CUL3: variants seen among roughly 807,000 people sequenced by gnomAD.
CUL3 encodes cullin 3, also known as cullin-3.
A neutral mutation model predicts 89.1 loss-of-function variants in CUL3; 19 were observed. The ratio of observed to expected loss-of-function variants is 0.21; its 90% CI spans 0.15 to 0.31. The LOEUF (loss-of-function observed/expected upper bound fraction) is 0.31. Ranked by LOEUF, CUL3 falls within the 10% of genes least tolerant of loss-of-function variation. The pLI is 1.00. For synonymous variants in CUL3, 351 were observed against 308.4 expected, an observed-to-expected ratio of 1.14 and a Z score of -1.45; for missense variants, 469 against 942.3, an observed-to-expected ratio of 0.50 and a Z score of 6.58.
chr2:224,552,226 TTTTAC>T (rs148276952), intron 2 of CUL3, among the ~76,000 whole-genome samples: 22,650 of 152,092 alleles, frequency 0.15, 1,841 homozygotes, highest in South Asian at 0.27. Context: ...TACTATGCTT[TTTTAC>T]TTTATTTAGA....
At chr2:224,499,008 T>C (rs1037885983) in intron 11 of CUL3, among the ~76,000 whole-genome samples, 2 of 152,182 alleles carry the variant, frequency 1.3e-5, no homozygotes, top group African/African-American at 2.4e-5. Flanking sequence ...CAAAGATACA[T>C]GTCAATATGC....
intron 2 of CUL3, among the ~76,000 whole-genome samples, chr2:224,553,250 T>C (rs1304262669): frequency 2.0e-5 from 3 of 152,188 alleles, no homozygotes; most frequent in East Asian, 1.9e-4. Context: ...GCACAGAAAC[T>C]AGCAGAGGCT....
rs1177910183 is a variant in CUL3, at chr2:224,473,017, T to C, written c.*1228A>G. On this transcript the variant is annotated 3_prime_UTR_variant, in exon 16 of 16. Transcript: ENST00000264414. ...AATTAAATAAAATTGAAGATAAAAA[T>C]ACTCTGGAAGCACAGGATATCTGAC... is the stretch of plus-strand genomic sequence containing the variant. 2 of 198,854 alleles carry C rather than the reference T, an allele frequency of 1.0e-5. No individual in the cohort carries two copies. The highest frequency in any genetic ancestry group is 2.1e-5 in the Non-Finnish European group (2 of 96,000). The allele number at this position is 198,854 out of a possible 1,614,324, so 12.3% of individuals were successfully genotyped here.
At chr2:224,501,861 G>A (rs961984274) in intron 10 of CUL3, among the ~76,000 whole-genome samples, 5 of 151,728 alleles carry the variant, frequency 3.3e-5, no homozygotes, top group Non-Finnish European at 5.9e-5. Context: ...TAAGATTAGT[G>A]GAAGAAAAAA....
intron 1 of CUL3, among the ~76,000 whole-genome samples, chr2:224,579,622 G>A (rs1232771572): frequency 6.6e-6 from 1 of 152,174 alleles, no homozygotes; most frequent in Non-Finnish European, 1.5e-5. Context: ...CTTCCAAACA[G>A]TTGCTGTCCA....
At chr2:224,517,317 A>G (rs1383552504) in intron 3 of CUL3, among the ~76,000 whole-genome samples, 7 of 152,240 alleles carry the variant, frequency 4.6e-5, no homozygotes, top group Admixed American at 4.6e-4. Flanking sequence ...TTAAAAATAT[A>G]AACGTTCATT....
intron 2 of CUL3, among the ~76,000 whole-genome samples, chr2:224,555,065 T>C (rs1183429716): frequency 6.6e-6 from 1 of 152,178 alleles, no homozygotes; most frequent in Non-Finnish European, 1.5e-5. Context: ...TAATTTTGAG[T>C]TCCTGCCCAA....
chr2:224,564,302 C>T lies in CUL3; in HGVS notation c.67-6446G>A, dbSNP rs1291691327. Among the ~76,000 whole-genome samples, 3 of 152,108 alleles carry T rather than the reference C, an allele frequency of 2.0e-5. No homozygotes were observed. The East Asian group carries it at 5.8e-4, about 29-fold the overall frequency. On this transcript the variant is annotated intron_variant, in intron 1 of 15. Coordinates refer to ENST00000264414, the MANE Select transcript of CUL3 (RefSeq NM_003590.5). ...TGTCTCAGAAAAGAAAAGAACACATCTTCTTCTATCCACGAAACTGTGGAG... is the reference window on the plus strand; with the variant it reads ...TGTCTCAGAAAAGAAAAGAACACATTTTCTTCTATCCACGAAACTGTGGAG...
In CUL3 at chr2:224,506,978, A is replaced by G; in HGVS notation, c.909T>C (p.Phe303=). The G allele has an allele frequency of 6.2e-7, 1 of 1,612,932 alleles. No individual in the cohort carries two copies. The highest frequency in any genetic ancestry group is 1.3e-5 in the African/African-American group (1 of 75,014). ...TEDLGCMYKL[F]SRVPNGLKTM... is the part of the protein sequence containing the mutation. ...TTTTCAAACCATTTGGCACACGACT[A>G]AATAACTTGTACATGCAACCAAGGT... Residue 303 remains phenylalanine (F), a synonymous_variant, in exon 7 of 16, where the codon TTT becomes TTC. Transcript: ENST00000264414.
At chr2:224,540,120 A>T (rs1163048338) in intron 2 of CUL3, among the ~76,000 whole-genome samples, 2 of 150,888 alleles carry the variant, frequency 1.3e-5, no homozygotes, top group Non-Finnish European at 2.9e-5. Context: ...CCAGTGGCGC[A>T]ATCTTGGCTC....
chr2:224,509,498 G>A (rs766733967), intron 6 of CUL3, among the ~76,000 whole-genome samples: 7 of 152,136 alleles, frequency 4.6e-5, no homozygotes, highest in East Asian at 1.9e-4. Flanking sequence ...GATTACAGGC[G>A]TTTGCCACCC....
At chr2:224,536,242 A>C (rs1220665879) in intron 2 of CUL3, among the ~76,000 whole-genome samples, 2 of 152,216 alleles carry the variant, frequency 1.3e-5, no homozygotes, top group African/African-American at 4.8e-5. Context: ...TACTCAGTAC[A>C]CTTCAGCTAC....
intron 1 of CUL3, among the ~76,000 whole-genome samples, chr2:224,582,500 TTAA>T (rs757819541): frequency 6.6e-6 from 1 of 152,242 alleles, no homozygotes; most frequent in Non-Finnish European, 1.5e-5. Flanking sequence ...AGGAATGTTA[TTAA>T]TACTTATTAA....
At chr2:224,496,685 T>C (rs1241820661) in intron 12 of CUL3, among the ~76,000 whole-genome samples, 6 of 150,822 alleles carry the variant, frequency 4.0e-5, no homozygotes, top group African/African-American at 1.2e-4. Context: ...GATCAAAAAA[T>C]AGCATAGCAT....
intron 6 of CUL3, among the ~76,000 whole-genome samples, 158 bp from the exon 7 acceptor site, chr2:224,507,161 TGAA>T (rs899758673): frequency 1.1e-4 from 16 of 152,294 alleles, no homozygotes; most frequent in African/African-American, 3.1e-4. Context: ...TATGAAAACA[TGAA>T]GAAGTAGGCT....
intron 3 of CUL3, among the ~76,000 whole-genome samples, chr2:224,516,710 G>A (rs898886073): frequency 2.0e-5 from 3 of 151,492 alleles, no homozygotes; most frequent in African/African-American, 4.9e-5. Flanking sequence ...GCAGTGGTGT[G>A]ATCTCGGCTC....
intron 3 of CUL3, among the ~76,000 whole-genome samples, chr2:224,531,563 T>C (rs2106256479): frequency 6.6e-6 from 1 of 152,208 alleles, no homozygotes; most frequent in African/African-American, 2.4e-5. Context: ...TCCATCCTCA[T>C]ACACTCCACT....
intron 6 of CUL3, among the ~76,000 whole-genome samples, chr2:224,507,994 C>T (rs1692667694): frequency 6.6e-6 from 1 of 152,088 alleles, no homozygotes; most frequent in South Asian, 2.1e-4. Flanking sequence ...TACTCTGACG[C>T]TGTAGCAAGA....
intron 1 of CUL3, among the ~76,000 whole-genome samples, chr2:224,580,269 G>A (rs1302818816): frequency 2.0e-5 from 3 of 152,202 alleles, no homozygotes; most frequent in Non-Finnish European, 2.9e-5. Flanking sequence ...ATACAGAAAC[G>A]TCCTTATTGT....
Sources: allele counts gnomAD v4.1 joint callset (sites outside exome capture counted in the v4.1 genomes callset), GRCh38; gene constraint gnomAD v4.1.1; transcripts MANE v1.5; gene names NCBI Gene and HGNC (gene_info 2026-07-23, HGNC 2026-07-21).